Variants in WDPCP observed in about 807,000 individuals in gnomAD.
The protein encoded by WDPCP is WD repeat containing planar cell polarity effector.
A neutral mutation model predicts 93.1 loss-of-function variants in WDPCP; 71 were observed. That is an observed-to-expected ratio of 0.76 (90% CI 0.63 to 0.93). The LOEUF (loss-of-function observed/expected upper bound fraction) is 0.93, where lower values mean the gene tolerates loss of function less well. Ranked by LOEUF, WDPCP falls within the 40% of genes least tolerant of loss-of-function variation. The pLI, the probability that WDPCP is intolerant of heterozygous loss-of-function variation, is 0.00. For missense variants in WDPCP, 844 were observed against 887.4 expected, an observed-to-expected ratio of 0.95 and a Z score of 0.62; for synonymous variants, 315 against 315.0, an observed-to-expected ratio of 1.00 and a Z score of 0.00.
chr2:63,434,020 G>T, intron 8 of WDPCP, 84 bp from the exon 9 acceptor site: 1 of 1,397,082 alleles, frequency 7.2e-7, no homozygotes, highest in Non-Finnish European at 9.9e-7. Flanking sequence ...AAAGCATCTG[G>T]AAATGTAGTT....
intron 2 of WDPCP, among the ~76,000 whole-genome samples, chr2:63,785,179 T>G (rs1283077708): frequency 6.6e-6 from 1 of 152,198 alleles, no homozygotes; most frequent in Non-Finnish European, 1.5e-5. Flanking sequence ...TTCTTCCTAG[T>G]CAAAGCTAGT....
chr2:63,823,854 A>G (rs1453994900), intron 1 of WDPCP, among the ~76,000 whole-genome samples: 2 of 152,208 alleles, frequency 1.3e-5, no homozygotes, highest in African/African-American at 4.8e-5. Flanking sequence ...TTGGTCAAAA[A>G]TGATACTGGA....
chr2:63,242,045 A>T (rs1259670029), intron 14 of WDPCP, among the ~76,000 whole-genome samples: 1 of 152,214 alleles, frequency 6.6e-6, no homozygotes, highest in Non-Finnish European at 1.5e-5. Flanking sequence ...AAATATATGC[A>T]TAGAAAAAAG....
intron 6 of WDPCP, among the ~76,000 whole-genome samples, chr2:63,461,346 G>A (rs938474562): frequency 3.3e-5 from 5 of 152,072 alleles, no homozygotes; most frequent in African/African-American, 1.2e-4. Context: ...TTGTTTAAAT[G>A]TGTAGCACCT....
intron 2 of WDPCP, among the ~76,000 whole-genome samples, chr2:63,668,455 A>G (rs758439469): frequency 1.3e-5 from 2 of 152,260 alleles, no homozygotes; most frequent in Non-Finnish European, 2.9e-5. Flanking sequence ...AACCATTCAG[A>G]GTATTCCTAA....
chr2:63,298,965 C>T (rs991802719), intron 13 of WDPCP, among the ~76,000 whole-genome samples: 6 of 152,214 alleles, frequency 3.9e-5, no homozygotes, highest in African/African-American at 1.4e-4. Flanking sequence ...CAGTAAGCCA[C>T]ATCTTTTGTG....
intron 1 of WDPCP, among the ~76,000 whole-genome samples, chr2:63,530,523 G>C (rs1479640604): frequency 2.0e-5 from 3 of 152,142 alleles, no homozygotes; most frequent in Non-Finnish European, 2.9e-5. Context: ...CCCACTGTAT[G>C]TACATGTGTT....
At chr2:63,499,930 G>A (rs1009922837) in intron 1 of WDPCP, among the ~76,000 whole-genome samples, 1 of 152,138 alleles carries the variant, frequency 6.6e-6, no homozygotes, top group Non-Finnish European at 1.5e-5. Flanking sequence ...ACCTGGCTAC[G>A]TGGTCTCCTG....
intron 2 of WDPCP, among the ~76,000 whole-genome samples, chr2:63,722,323 G>A (rs1195991806): frequency 1.3e-4 from 19 of 150,882 alleles, no homozygotes; most frequent in Non-Finnish European, 2.4e-4. Context: ...TAGGAAGTGA[G>A]GAGCGTCTCT....
chr2:63,146,717 A>T (rs1559153650), intron 17 of WDPCP, among the ~76,000 whole-genome samples: 1 of 152,208 alleles, frequency 6.6e-6, no homozygotes, highest in Non-Finnish European at 1.5e-5. Flanking sequence ...TAAAGTGGCT[A>T]AAGAGGCGAA....
chr2:63,593,446 C>G (rs1370242681), upstream of WDPCP: 1 of 405,136 alleles, frequency 2.5e-6, no homozygotes, highest in South Asian at 1.9e-5. Flanking sequence ...TGAGTGAGTA[C>G]CAAATTGCTG....
At position 63,808,372 on chromosome 2, in the gene WDPCP, C is replaced by T. The variant is rs1016713613; in HGVS notation, n.308+5250G>A. ...CGGTCTCCCTCTCCCTCTCTTTCCACGGTCTCCCTCTGATGCCGAGCCGAA... is the reference window on the plus strand; with the variant it reads ...CGGTCTCCCTCTCCCTCTCTTTCCATGGTCTCCCTCTGATGCCGAGCCGAA... On this transcript the variant is annotated intron_variant and non_coding_transcript_variant, in intron 2 of 4. Transcript: ENST00000467687. Among the ~76,000 whole-genome samples, 48 of 136,800 alleles carry T rather than the reference C, an allele frequency of 3.5e-4. 1 individual carries two copies. The East Asian group carries it at 9.2e-3, about 26-fold the overall frequency. 89.7% of individuals were successfully genotyped at this position (136,800 alleles called of 152,430 possible). A position where few individuals can be genotyped will look rare whatever the true frequency, so the allele number is the denominator to read the frequency against.
At chr2:63,589,357 C>G, upstream of WDPCP, 1 of 1,550,620 alleles carries the variant, frequency 6.4e-7, no homozygotes, top group Non-Finnish European at 8.7e-7. Context: ...TTCCAAAGGA[C>G]GTTACGGTGT....
At chr2:63,702,799 A>C (rs181646645) in intron 2 of WDPCP, among the ~76,000 whole-genome samples, 54 of 151,308 alleles carry the variant, frequency 3.6e-4, no homozygotes, top group African/African-American at 9.2e-4. Context: ...TATACATGTG[A>C]CATGTTGGTG....
intron 12 of WDPCP, among the ~76,000 whole-genome samples, chr2:63,338,105 T>TA (rs1368356903): frequency 6.6e-6 from 1 of 152,222 alleles, no homozygotes; most frequent in Non-Finnish European, 1.5e-5. Flanking sequence ...TCCCTAATGA[T>TA]ACCTTCTAGT....
chr2:63,684,053 G>C (rs1303244962), intron 2 of WDPCP, among the ~76,000 whole-genome samples: 2 of 152,068 alleles, frequency 1.3e-5, no homozygotes, highest in Non-Finnish European at 2.9e-5. Flanking sequence ...TTTCAGCATT[G>C]GACAGATCTT....
At chr2:63,425,711 A>G (rs1401416607) in intron 9 of WDPCP, among the ~76,000 whole-genome samples, 2 of 152,246 alleles carry the variant, frequency 1.3e-5, no homozygotes, top group Non-Finnish European at 2.9e-5. Context: ...AAACCTCTAC[A>G]AAATATGGGA....
intron 1 of WDPCP, among the ~76,000 whole-genome samples, chr2:63,582,899 C>T (rs1480064767): frequency 1.3e-5 from 2 of 151,984 alleles, no homozygotes; most frequent in African/African-American, 4.8e-5. Context: ...ATCCTAACCA[C>T]AAGAAACATT....
At chr2:63,631,609 A>G (rs1031920761) in intron 3 of WDPCP, among the ~76,000 whole-genome samples, 1 of 152,198 alleles carries the variant, frequency 6.6e-6, no homozygotes, top group African/African-American at 2.4e-5. Context: ...AGAGGGCTCA[A>G]ATGTCCGTTT....
Sources: allele counts gnomAD v4.1 joint callset (sites outside exome capture counted in the v4.1 genomes callset), GRCh38; gene constraint gnomAD v4.1.1; transcripts MANE v1.5; gene names NCBI Gene and HGNC (gene_info 2026-07-23, HGNC 2026-07-21).